The following ADAMTS12 variants were observed in gnomAD, a reference collection of about 807,000 sequenced individuals.
ADAMTS12 encodes ADAM metallopeptidase with thrombospondin type 1 motif 12.
In ADAMTS12, 118 loss-of-function variants were observed where a neutral mutation model predicts 167.8. The ratio of observed to expected loss-of-function variants is 0.70; its 90% CI spans 0.61 to 0.82. The LOEUF (loss-of-function observed/expected upper bound fraction) is 0.82. ADAMTS12 is among the 40% of genes least tolerant of loss of function. ADAMTS12 has a pLI of 0.00. For synonymous variants in ADAMTS12, 704 were observed against 716.9 expected (o/e 0.98, Z 0.29); for missense variants, 1,916 against 1,998.8 (o/e 0.96, Z 0.79).
In ADAMTS12 at chr5:33,745,627, T is replaced by C. The variant is rs141085662; in HGVS notation, c.634+5777A>G. Among the ~76,000 whole-genome samples, 1,389 of 152,186 alleles carry C rather than the reference T, an allele frequency of 9.1e-3. 19 individuals carry two copies. Among genetic ancestry groups the C allele is most frequent in the African/African-American group, 0.032 (1,342 of 41,526 alleles). ...GTTTCCTGGAGAGCCGTCTCCTTAT[T>C]GGGGCATGGAAACCCAGACACCTGA... On this transcript the variant is annotated intron_variant, in intron 3 of 23. Coordinates refer to ENST00000504830, the MANE Select transcript of ADAMTS12 (RefSeq NM_030955.4).
At chr5:33,863,360 T>C (rs564494149) in intron 2 of ADAMTS12, among the ~76,000 whole-genome samples, 1 of 152,290 alleles carries the variant, frequency 6.6e-6, no homozygotes, top group Non-Finnish European at 1.5e-5. Flanking sequence ...GGTTACAAGA[T>C]CAATGTGCAA....
At chr5:33,553,632 A>C (rs1470822319) in intron 20 of ADAMTS12, among the ~76,000 whole-genome samples, 1 of 152,194 alleles carries the variant, frequency 6.6e-6, no homozygotes, top group Non-Finnish European at 1.5e-5. Flanking sequence ...CAAATACCAC[A>C]TGTTCTCACT....
At chr5:33,730,862 T>G (rs1223559354) in intron 3 of ADAMTS12, among the ~76,000 whole-genome samples, 1 of 152,214 alleles carries the variant, frequency 6.6e-6, no homozygotes, top group Non-Finnish European at 1.5e-5. Context: ...TGTCCTGAAG[T>G]TCTTCAGCAA....
At chr5:33,701,873 T>A (rs1242904515) in intron 3 of ADAMTS12, among the ~76,000 whole-genome samples, 1 of 152,182 alleles carries the variant, frequency 6.6e-6, no homozygotes, top group Non-Finnish European at 1.5e-5. Context: ...TTAAGCTGTT[T>A]GAAATGAAGA....
intron 3 of ADAMTS12, among the ~76,000 whole-genome samples, chr5:33,689,182 T>G (rs1249320323): frequency 6.6e-6 from 1 of 152,152 alleles, no homozygotes; most frequent in East Asian, 1.9e-4. Context: ...TTATCTTAAT[T>G]CTCACATTAA....
chr5:33,533,498 C>G (rs1368474049), intron 23 of ADAMTS12, among the ~76,000 whole-genome samples: 1 of 152,152 alleles, frequency 6.6e-6, no homozygotes, highest in Non-Finnish European at 1.5e-5. Context: ...GAGCCTCAAA[C>G]TCCCAGGAGA....
rs11749661 is a variant in ADAMTS12 at position 33,781,845 on chromosome 5, C to T, written c.490-30297G>A. ...ATATCTCCTAATGCTATCCCTCCCCCCCGACCCCACAACAGTCCCCAGAGT... is the reference window on the plus strand; with the variant it reads ...ATATCTCCTAATGCTATCCCTCCCCTCCGACCCCACAACAGTCCCCAGAGT... On this transcript the variant is annotated intron_variant, in intron 2 of 23. Coordinates refer to ENST00000504830, the MANE Select transcript of ADAMTS12 (RefSeq NM_030955.4). Among the ~76,000 whole-genome samples the T allele has an allele frequency of 6.0e-3, 911 of 151,900 alleles. 12 individuals are homozygous for T. Among genetic ancestry groups the T allele is most frequent in the African/African-American group, 0.02 (849 of 41,424 alleles).
intron 3 of ADAMTS12, among the ~76,000 whole-genome samples, chr5:33,737,452 T>G (rs73761510): frequency 1.3e-5 from 2 of 152,184 alleles, no homozygotes; most frequent in Admixed American, 6.5e-5. Context: ...GTCTGATAGG[T>G]ACAGAGTTTC....
At chr5:33,682,664 G>T (rs990953823) in intron 5 of ADAMTS12, among the ~76,000 whole-genome samples, 1 of 152,122 alleles carries the variant, frequency 6.6e-6, no homozygotes, top group Admixed American at 6.5e-5. Context: ...AGTATCAAAG[G>T]TTCGACATTT....
At chr5:33,676,683 T>TACACACACACAC (rs141431526) in intron 5 of ADAMTS12, among the ~76,000 whole-genome samples, 3,434 of 136,246 alleles carry the variant, frequency 0.025, 121 homozygotes, top group African/African-American at 0.082. Context: ...CTGTCTATCT[T>TACACACACACAC]ACACACACAC....
chr5:33,541,913 G>A (rs1391948574), intron 22 of ADAMTS12, among the ~76,000 whole-genome samples: 2 of 152,154 alleles, frequency 1.3e-5, no homozygotes, highest in African/African-American at 2.4e-5. Flanking sequence ...ATCAATGCTA[G>A]GAAGAAACTG....
chr5:33,651,878 T>G (rs1740878429), intron 7 of ADAMTS12, among the ~76,000 whole-genome samples: 1 of 152,196 alleles, frequency 6.6e-6, no homozygotes, highest in Non-Finnish European at 1.5e-5. Context: ...CTCCCACTTG[T>G]AAGTGAGAAT....
intron 2 of ADAMTS12, among the ~76,000 whole-genome samples, chr5:33,817,893 T>A (rs1218589500): frequency 1.3e-5 from 2 of 152,162 alleles, no homozygotes; most frequent in Non-Finnish European, 2.9e-5. Flanking sequence ...CTTTCCATAG[T>A]AGAATATAGA....
At chr5:33,707,070 A>C (rs1313150591) in intron 3 of ADAMTS12, among the ~76,000 whole-genome samples, 1 of 152,208 alleles carries the variant, frequency 6.6e-6, no homozygotes, top group African/African-American at 2.4e-5. Context: ...ATCTCAGCCC[A>C]AAAACACCTT....
intron 2 of ADAMTS12, among the ~76,000 whole-genome samples, chr5:33,853,616 T>C (rs1221129921): frequency 6.6e-6 from 1 of 152,192 alleles, no homozygotes; most frequent in Non-Finnish European, 1.5e-5. Flanking sequence ...AGATTCCTCT[T>C]CCACTCCTTC....
intron 13 of ADAMTS12, among the ~76,000 whole-genome samples, chr5:33,627,182 T>G (rs1243614542): frequency 1.4e-5 from 2 of 140,346 alleles, no homozygotes; most frequent in South Asian, 2.4e-4. Flanking sequence ...GAGGTAGTGA[T>G]GAGGTGGTGG....
At chr5:33,666,230 C>T (rs375830424) in intron 5 of ADAMTS12, among the ~76,000 whole-genome samples, 6 of 152,216 alleles carry the variant, frequency 3.9e-5, no homozygotes, top group African/African-American at 9.7e-5. Context: ...AGTCCAGCGG[C>T]GCAGGGCCGG....
At chr5:33,667,337 A>T (rs1019994018) in intron 5 of ADAMTS12, among the ~76,000 whole-genome samples, 2 of 151,604 alleles carry the variant, frequency 1.3e-5, no homozygotes, top group Non-Finnish European at 2.9e-5. Flanking sequence ...AAAAAAAAAA[A>T]AAGATTTCTC....
chr5:33,844,599 C>G (rs528956719), intron 2 of ADAMTS12, among the ~76,000 whole-genome samples: 6 of 152,272 alleles, frequency 3.9e-5, no homozygotes, highest in African/African-American at 1.4e-4. Flanking sequence ...AAGATGTTAT[C>G]AATGACAATG....
Sources: allele counts gnomAD v4.1 joint callset (sites outside exome capture counted in the v4.1 genomes callset), GRCh38; gene constraint gnomAD v4.1.1; transcripts MANE v1.5; gene names NCBI Gene and HGNC (gene_info 2026-07-23, HGNC 2026-07-21).